Variants in DIAPH3 observed in about 807,000 individuals in gnomAD.
The protein encoded by DIAPH3 is protein diaphanous homolog 3.
A neutral mutation model predicts 144.3 loss-of-function variants in DIAPH3; 117 were observed. The observed-to-expected ratio is 0.81, with a 90% CI of 0.70 to 0.95. DIAPH3 has a LOEUF of 0.95. Among genes scored for constraint, DIAPH3 ranks in the 40% least tolerant of loss-of-function variants. DIAPH3 has a pLI of 0.00. For synonymous variants in DIAPH3, 519 were observed against 488.9 expected (o/e 1.06, Z -0.81); for missense variants, 1,421 against 1,412.7 (o/e 1.01, Z -0.09).
intron 25 of DIAPH3, among the ~76,000 whole-genome samples, chr13:59,786,462 T>C (rs1356295972): frequency 6.6e-6 from 1 of 152,188 alleles, no homozygotes; most frequent in African/African-American, 2.4e-5. Context: ...TTATTAATTC[T>C]TAATTTTCAC....
chr13:59,810,975 A>T, intron 24 of DIAPH3, 52 bp from the exon 25 acceptor site: 1 of 1,507,234 alleles, frequency 6.6e-7, no homozygotes, highest in Non-Finnish European at 9.1e-7. Context: ...CATCCCGCAA[A>T]ATGGAAAGTT....
At chr13:60,043,588 A>C (rs1359464881) in intron 4 of DIAPH3, among the ~76,000 whole-genome samples, 1 of 152,226 alleles carries the variant, frequency 6.6e-6, no homozygotes, top group African/African-American at 2.4e-5. Context: ...CTACTATGCA[A>C]TTAGCTCTCC....
chr13:59,850,699 C>T (rs1282160319), intron 22 of DIAPH3, among the ~76,000 whole-genome samples: 1 of 151,966 alleles, frequency 6.6e-6, no homozygotes, highest in African/African-American at 2.4e-5. Context: ...GGGATATCAC[C>T]ACTGATCCCA....
intron 21 of DIAPH3, among the ~76,000 whole-genome samples, chr13:59,870,280 G>A (rs965176055): frequency 2.0e-5 from 3 of 151,462 alleles, no homozygotes; most frequent in African/African-American, 7.3e-5. Context: ...ATATTTATAC[G>A]AATCTATTTC....
chr13:59,911,478 T>A (rs1409758992), intron 20 of DIAPH3, among the ~76,000 whole-genome samples: 2 of 152,200 alleles, frequency 1.3e-5, no homozygotes, highest in Non-Finnish European at 2.9e-5. Flanking sequence ...CTTTACATTT[T>A]AACATTAAAT....
intron 17 of DIAPH3, among the ~76,000 whole-genome samples, chr13:59,939,721 G>A (rs140771047): frequency 2.7e-3 from 412 of 152,260 alleles, no homozygotes; most frequent in Non-Finnish European, 4.5e-3. Context: ...TCTTTATCTA[G>A]GTTTGTTGTG....
intron 20 of DIAPH3, among the ~76,000 whole-genome samples, chr13:59,891,903 T>C (rs1593858106): frequency 6.6e-6 from 1 of 152,170 alleles, no homozygotes; most frequent in East Asian, 1.9e-4. Context: ...TCTGCAGTTA[T>C]ATGAAAATGA....
intron 27 of DIAPH3, among the ~76,000 whole-genome samples, chr13:59,697,230 C>T (rs370713048): frequency 1.4e-4 from 21 of 151,504 alleles, no homozygotes; most frequent in African/African-American, 4.6e-4. Context: ...GAGGCCGAGG[C>T]GGGCGGATCA....
intron 15 of DIAPH3, among the ~76,000 whole-genome samples, chr13:59,972,919 G>A (rs2050472886): frequency 6.6e-6 from 1 of 152,138 alleles, no homozygotes; most frequent in Non-Finnish European, 1.5e-5. Flanking sequence ...ACTCTTCATA[G>A]TCAGCATAGC....
intron 25 of DIAPH3, among the ~76,000 whole-genome samples, chr13:59,808,412 T>A (rs1021765018): frequency 6.6e-6 from 1 of 151,918 alleles, no homozygotes; most frequent in East Asian, 1.9e-4. Flanking sequence ...TTAAAATCTA[T>A]AAAATTAGCA....
At chr13:59,688,711 G>C (rs1201607983) in intron 27 of DIAPH3, among the ~76,000 whole-genome samples, 1 of 151,924 alleles carries the variant, frequency 6.6e-6, no homozygotes, top group African/African-American at 2.4e-5. Flanking sequence ...GCTTCATAAG[G>C]GCAGGGTCTC....
At chr13:60,103,164 G>A (rs1177182360) in intron 3 of DIAPH3, among the ~76,000 whole-genome samples, 4 of 151,916 alleles carry the variant, frequency 2.6e-5, no homozygotes, top group African/African-American at 4.8e-5. Flanking sequence ...CGAGGTGGGG[G>A]GGAAATATGT....
intron 4 of DIAPH3, among the ~76,000 whole-genome samples, chr13:60,074,873 A>G (rs2057327683): frequency 6.6e-6 from 1 of 152,136 alleles, no homozygotes; most frequent in Non-Finnish European, 1.5e-5. Context: ...AAATTACTTA[A>G]TCATGTCTCT....
intron 20 of DIAPH3, among the ~76,000 whole-genome samples, chr13:59,901,399 T>C (rs1326175275): frequency 6.6e-6 from 1 of 152,162 alleles, no homozygotes; most frequent in African/African-American, 2.4e-5. Flanking sequence ...TATAACATGC[T>C]TCCTTGAGAT....
At chr13:60,006,632 AAAGC>A (rs2052891968) in intron 9 of DIAPH3, among the ~76,000 whole-genome samples, 1 of 152,212 alleles carries the variant, frequency 6.6e-6, no homozygotes, top group Non-Finnish European at 1.5e-5. Context: ...AGGAAAAAGA[AAAGC>A]AATAGGAAGG....
chr13:59,802,566 G>GTT (rs55975131), intron 25 of DIAPH3, among the ~76,000 whole-genome samples: 56 of 135,270 alleles, frequency 4.1e-4, no homozygotes, highest in South Asian at 7.2e-4. Flanking sequence ...ACAAGGAAAA[G>GTT]TTTTTTTTTT....
At chr13:59,769,242 T>C (rs1200233867) in intron 27 of DIAPH3, among the ~76,000 whole-genome samples, 1 of 152,052 alleles carries the variant, frequency 6.6e-6, no homozygotes, top group East Asian at 1.9e-4. Context: ...AAAACACCAG[T>C]CACTCAGTGG....
At chr13:59,996,959 C>G (rs1003994856) in intron 9 of DIAPH3, among the ~76,000 whole-genome samples, 5 of 152,018 alleles carry the variant, frequency 3.3e-5, no homozygotes, top group Non-Finnish European at 7.4e-5. Flanking sequence ...ACTGCAATTA[C>G]TATGTTCAAC....
At chr13:60,127,647 T>C (rs1222087561) in intron 2 of DIAPH3, among the ~76,000 whole-genome samples, 1 of 152,174 alleles carries the variant, frequency 6.6e-6, no homozygotes, top group Non-Finnish European at 1.5e-5. Context: ...GGCAACACAC[T>C]TTGTGACTCC....
Sources: allele counts gnomAD v4.1 joint callset (sites outside exome capture counted in the v4.1 genomes callset), GRCh38; gene constraint gnomAD v4.1.1; transcripts MANE v1.5; gene names NCBI Gene and HGNC (gene_info 2026-07-23, HGNC 2026-07-21).